DPP10: variants seen among roughly 807,000 people sequenced by gnomAD.
The protein encoded by DPP10 is dipeptidyl peptidase like 10.
In DPP10, 33 loss-of-function variants were observed where a neutral mutation model predicts 120.9. The observed-to-expected ratio is 0.27, with a 90% CI of 0.21 to 0.37. The LOEUF (loss-of-function observed/expected upper bound fraction) is 0.37. DPP10 is among the 10% of genes least tolerant of loss of function. The pLI, the probability that DPP10 is intolerant of heterozygous loss-of-function variation, is 1.00. For missense variants in DPP10, 816 were observed against 942.8 expected (o/e 0.87, Z 1.76); for synonymous variants, 337 against 326.1 (o/e 1.03, Z -0.36).
chr2:115,080,036 A>G (rs1708141965), intron 1 of DPP10, among the ~76,000 whole-genome samples: 1 of 151,928 alleles, frequency 6.6e-6, no homozygotes, highest in Non-Finnish European at 1.5e-5. Flanking sequence ...CTTTTTTTTT[A>G]GATGGAGTCT....
chr2:114,699,173 C>T (rs1052376226), intron 1 of DPP10, among the ~76,000 whole-genome samples: 10 of 151,996 alleles, frequency 6.6e-5, no homozygotes, highest in Non-Finnish European at 1.0e-4. Flanking sequence ...GTCTTGCAGA[C>T]GTAAACTCAG....
intron 1 of DPP10, among the ~76,000 whole-genome samples, chr2:115,288,147 G>T (rs1309640139): frequency 6.6e-6 from 1 of 151,996 alleles, no homozygotes; most frequent in Non-Finnish European, 1.5e-5. Flanking sequence ...CAGTAGGTAA[G>T]TGTTCCCTTT....
intron 1 of DPP10, among the ~76,000 whole-genome samples, chr2:114,859,322 C>A (rs537038869): frequency 8.1e-4 from 121 of 149,190 alleles, no homozygotes; most frequent in Non-Finnish European, 1.3e-3. Flanking sequence ...GAGCCAAGAT[C>A]GTGCCATTGC....
intron 1 of DPP10, among the ~76,000 whole-genome samples, chr2:114,528,810 C>G (rs1488345188): frequency 6.6e-6 from 1 of 151,846 alleles, no homozygotes; most frequent in Non-Finnish European, 1.5e-5. Flanking sequence ...AGGAGAAATC[C>G]TTGCAGCTCC....
chr2:114,528,371 A>T (rs1049414045), intron 1 of DPP10, among the ~76,000 whole-genome samples: 1 of 152,118 alleles, frequency 6.6e-6, no homozygotes, highest in Middle Eastern at 3.2e-3. Flanking sequence ...TTGACTTTCA[A>T]TCACTTTGTG....
intron 3 of DPP10, among the ~76,000 whole-genome samples, chr2:115,489,412 G>T (rs1265052968): frequency 6.6e-6 from 1 of 151,924 alleles, no homozygotes; most frequent in Non-Finnish European, 1.5e-5. Context: ...TCCTGGCTGT[G>T]ATGGGAAGGG....
chr2:114,813,327 A>G (rs1453266233), intron 1 of DPP10, among the ~76,000 whole-genome samples: 5 of 152,218 alleles, frequency 3.3e-5, no homozygotes. Context: ...AGGACCACAA[A>G]TTATATATAT....
At chr2:115,234,149 A>AG (rs2057880118) in intron 1 of DPP10, among the ~76,000 whole-genome samples, 1 of 152,160 alleles carries the variant, frequency 6.6e-6, no homozygotes, top group South Asian at 2.1e-4. Context: ...TTTTTTCTGC[A>AG]GCCCACACTT....
chr2:115,153,345 A>C (rs2104911962), intron 1 of DPP10, among the ~76,000 whole-genome samples: 1 of 152,304 alleles, frequency 6.6e-6, no homozygotes, highest in East Asian at 1.9e-4. Flanking sequence ...GAATGCACAA[A>C]ACCTCTCCTA....
At chr2:114,704,803 A>G (rs1425404296) in intron 1 of DPP10, among the ~76,000 whole-genome samples, 4 of 152,176 alleles carry the variant, frequency 2.6e-5, no homozygotes, top group Admixed American at 1.3e-4. Context: ...AACCTCTGAT[A>G]TGATTGAATT....
At chr2:114,696,221 C>T (rs1700057908) in intron 1 of DPP10, among the ~76,000 whole-genome samples, 1 of 152,052 alleles carries the variant, frequency 6.6e-6, no homozygotes, top group African/African-American at 2.4e-5. Flanking sequence ...TCCTGATTCT[C>T]TGCCAAGTTC....
chr2:115,086,815 A>G (rs1347787476), intron 1 of DPP10, among the ~76,000 whole-genome samples: 5 of 142,464 alleles, frequency 3.5e-5, no homozygotes, highest in Admixed American at 7.3e-5. Context: ...AAATATATAA[A>G]ACCAAGTTGT....
chr2:114,582,155 T>G (rs1184952096), intron 1 of DPP10, among the ~76,000 whole-genome samples: 1 of 152,248 alleles, frequency 6.6e-6, no homozygotes, highest in African/African-American at 2.4e-5. Flanking sequence ...CACTGATCTT[T>G]TTATGTCTCC....
In DPP10 at chr2:115,842,509, C is replaced by T; in HGVS notation, c.*164C>T. ...GAACTAGCATTTGAATACACAAGTC[C>T]AAGTCTACTGTGTTGCTAGGGGTGC... is the stretch of plus-strand genomic sequence containing the variant. On this transcript the variant is annotated 3_prime_UTR_variant, in exon 26 of 26. Transcript: ENST00000410059. 1 of 764,796 alleles carries T rather than the reference C, an allele frequency of 1.3e-6. No homozygotes were observed. The highest frequency in any genetic ancestry group is 3.2e-5 in the Admixed American group (1 of 31,600). The allele number at this position is 764,796 out of a possible 1,614,324, so 47.4% of individuals were successfully genotyped here. A position where few individuals can be genotyped will look rare whatever the true frequency, so the allele number is the denominator to read the frequency against.
rs2076276881 is a variant in DPP10, at chr2:115,494,225, A to C, written c.272-5285A>C. Among the ~76,000 whole-genome samples, 3 of 152,266 alleles carry C rather than the reference A, an allele frequency of 2.0e-5. No homozygotes were observed. In the South Asian group the frequency reaches 6.2e-4, roughly 32 times the overall value. ...CCCAAAATGCTGGATTACAAGCATG[A>C]GCCACCGTGCATGTACTTTTTTTCT... On this transcript the variant is annotated intron_variant, in intron 3 of 25. Coordinates refer to ENST00000410059, the MANE Select transcript of DPP10 (RefSeq NM_020868.6).
intron 8 of DPP10, among the ~76,000 whole-genome samples, chr2:115,738,951 A>T (rs1676933663): frequency 6.6e-6 from 1 of 152,192 alleles, no homozygotes; most frequent in South Asian, 2.1e-4. Context: ...AAGGAAAGTG[A>T]TGTAAACTAA....
At chr2:115,570,714 C>T (rs1333200839) in intron 5 of DPP10, among the ~76,000 whole-genome samples, 1 of 152,116 alleles carries the variant, frequency 6.6e-6, no homozygotes, top group Non-Finnish European at 1.5e-5. Context: ...GTTAAAAGAA[C>T]ATACGTAGGA....
At chr2:114,582,055 C>T (rs142970411) in intron 1 of DPP10, among the ~76,000 whole-genome samples, 68 of 152,284 alleles carry the variant, frequency 4.5e-4, no homozygotes, top group Non-Finnish European at 6.9e-4. Context: ...CATGTATCCA[C>T]CCTTCTGTCT....
At chr2:115,706,904 C>G (rs1243462540) in intron 7 of DPP10, among the ~76,000 whole-genome samples, 3 of 152,090 alleles carry the variant, frequency 2.0e-5, no homozygotes, top group East Asian at 3.9e-4. Flanking sequence ...TCAGAAATAA[C>G]TTCAGACATC....
Sources: allele counts gnomAD v4.1 joint callset (sites outside exome capture counted in the v4.1 genomes callset), GRCh38; gene constraint gnomAD v4.1.1; transcripts MANE v1.5; gene names NCBI Gene and HGNC (gene_info 2026-07-23, HGNC 2026-07-21).